The following CCDC91 variants were observed in gnomAD, a reference collection of about 807,000 sequenced individuals.
CCDC91 encodes the protein coiled-coil domain containing 91.
Under a neutral mutation model 63.2 loss-of-function variants are expected in CCDC91, and 48 were observed. That is an observed-to-expected ratio of 0.76 (90% CI 0.60 to 0.97). The LOEUF is 0.97. Among genes scored for constraint, CCDC91 ranks in the 50% least tolerant of loss-of-function variants. The pLI, the probability that CCDC91 is intolerant of heterozygous loss-of-function variation, is 0.00. For synonymous variants in CCDC91, 167 were observed against 165.8 expected, an observed-to-expected ratio of 1.01 and a Z score of -0.06; for missense variants, 500 against 494.6, an observed-to-expected ratio of 1.01 and a Z score of -0.10.
At chr12:28,296,767 T>G (rs76704263) in intron 3 of CCDC91, among the ~76,000 whole-genome samples, 1,896 of 152,088 alleles carry the variant, frequency 0.012, 42 homozygotes, top group African/African-American at 0.044. Context: ...TACACTTAGT[T>G]TCAAATTTTT....
Position 28,441,057 on chromosome 12 carries a change from C to CAAAAA in CCDC91, c.763-9081_763-9077dup, listed in dbSNP as rs60278449. ...TGGGTGACAGAGCAAGACTCCATCT[C>CAAAAA]AAAAAAAAAAAAAAAAAAAAAAAAA... On this transcript the variant is annotated intron_variant, in intron 8 of 12. Coordinates refer to ENST00000536442, the MANE Select transcript of CCDC91 (RefSeq NM_018318.5). 7.0e-4 allele frequency among the ~76,000 whole-genome samples: 37 copies of CAAAAA among 52,696 alleles called. 1 individual carries two copies. Among genetic ancestry groups the CAAAAA allele is most frequent in the African/African-American group, 1.7e-3 (22 of 12,696 alleles). 34.6% of individuals were successfully genotyped at this position (52,696 alleles called of 152,430 possible).
At position 28,328,423 on chromosome 12, in the gene CCDC91, A is replaced by G. The variant is rs1236991459; in HGVS notation, c.576+20674A>G. On this transcript the variant is annotated intron_variant, in intron 6 of 12. Coordinates refer to ENST00000536442, the MANE Select transcript of CCDC91 (RefSeq NM_018318.5). ...ACACATATAATGGAATATTGAGGCC[A>G]AGAAAAAAATAAGTCTGTAGTTATT... Among the ~76,000 whole-genome samples the G allele has an allele frequency of 2.0e-5, 3 of 152,204 alleles. No individual in the cohort carries two copies. In the East Asian group the frequency reaches 5.8e-4, roughly 29 times the overall value.
At chr12:28,360,954 C>T (rs987770647) in intron 6 of CCDC91, among the ~76,000 whole-genome samples, 1 of 151,184 alleles carries the variant, frequency 6.6e-6, no homozygotes, top group South Asian at 2.1e-4. Context: ...ATATATAGGA[C>T]TATTCAAATT....
rs139705316 is a variant in CCDC91 at position 28,541,796 on chromosome 12, AAGTT to A, written c.1216-7264_1216-7261del. The stretch of plus-strand genomic sequence containing the variant: ...TTTATGTGGCCTGTTATATTAAGAT[AAGTT>A]AGCCTGCCTTGCCGGAATCAATTCA... On this transcript the variant is annotated intron_variant, in intron 12 of 12. Transcript: ENST00000536442. Among the ~76,000 whole-genome samples the A allele has an allele frequency of 9.4e-3, 1,423 of 152,184 alleles. 27 individuals are homozygous for A. The highest frequency in any genetic ancestry group is 0.033 in the African/African-American group (1,383 of 41,554).
chr12:28,434,056 C>G (rs1455578645), intron 8 of CCDC91, among the ~76,000 whole-genome samples: 1 of 151,812 alleles, frequency 6.6e-6, no homozygotes, highest in African/African-American at 2.4e-5. Flanking sequence ...GCTGTGCACC[C>G]TTACTATAAT....
chr12:28,539,639 A>T (rs906335401), intron 12 of CCDC91, among the ~76,000 whole-genome samples: 3 of 152,158 alleles, frequency 2.0e-5, no homozygotes, highest in African/African-American at 7.2e-5. Context: ...AGGCAATAAC[A>T]TCCCAGTTTA....
intron 7 of CCDC91, among the ~76,000 whole-genome samples, chr12:28,370,130 C>T (rs768585171): frequency 1.3e-5 from 2 of 152,174 alleles, no homozygotes; most frequent in Non-Finnish European, 2.9e-5. Context: ...TTTTTATTTT[C>T]TATTGCATGT....
chr12:28,381,039 A>C (rs1945268307), intron 7 of CCDC91, among the ~76,000 whole-genome samples: 1 of 152,156 alleles, frequency 6.6e-6, no homozygotes, highest in African/African-American at 2.4e-5. Flanking sequence ...AAGGATATAT[A>C]CACAAAAAAC....
At chr12:28,429,775 G>A (rs1236074969) in intron 8 of CCDC91, among the ~76,000 whole-genome samples, 1 of 152,022 alleles carries the variant, frequency 6.6e-6, no homozygotes, top group African/African-American at 2.4e-5. Flanking sequence ...ACACATTGTA[G>A]ATGTGCCACT....
intron 11 of CCDC91, among the ~76,000 whole-genome samples, chr12:28,481,976 A>T (rs1335098522): frequency 6.6e-6 from 1 of 151,874 alleles, no homozygotes; most frequent in Non-Finnish European, 1.5e-5. Flanking sequence ...CTTTTAGTTA[A>T]TATGTTTCTT....
At chr12:28,350,991 T>G (rs1457718721) in intron 6 of CCDC91, among the ~76,000 whole-genome samples, 2 of 152,146 alleles carry the variant, frequency 1.3e-5, no homozygotes, top group Admixed American at 1.3e-4. Flanking sequence ...TGGACAAAAC[T>G]TTTTAGGGGC....
chr12:28,463,032 A>T (rs1187771763), intron 11 of CCDC91, among the ~76,000 whole-genome samples: 1 of 152,196 alleles, frequency 6.6e-6, no homozygotes, highest in African/African-American at 2.4e-5. Context: ...TATATACATG[A>T]CATGAGTATT....
At chr12:28,452,437 G>GT in intron 10 of CCDC91, 41 bp from the exon 11 acceptor site, 1 of 1,273,556 alleles carries the variant, frequency 7.9e-7, no homozygotes. Context: ...AAATTATTAT[G>GT]CAGTCTTTCA....
At chr12:28,453,657 G>A (rs1257397767) in intron 11 of CCDC91, among the ~76,000 whole-genome samples, 3 of 151,066 alleles carry the variant, frequency 2.0e-5, no homozygotes, top group Non-Finnish European at 4.4e-5. Flanking sequence ...TTTTTCTTGC[G>A]TTTTTTCACT....
Position 28,280,755 on chromosome 12 carries a change from G to A in CCDC91, c.109+21313G>A, listed in dbSNP as rs1948551461. On this transcript the variant is annotated intron_variant, in intron 3 of 12. Coordinates refer to ENST00000536442, the MANE Select transcript of CCDC91 (RefSeq NM_018318.5). ...GCACTTTGGGAGGCTGAGGCAAGAA[G>A]ATCACTTGGGGCCAGGAGCTCAAGA... 2.0e-5 allele frequency among the ~76,000 whole-genome samples: 3 copies of A among 151,066 alleles called. No homozygotes were observed. The East Asian group carries it at 5.9e-4, about 30-fold the overall frequency.
chr12:28,501,412 A>T (rs192325216), intron 12 of CCDC91, among the ~76,000 whole-genome samples: 7 of 152,038 alleles, frequency 4.6e-5, no homozygotes, highest in African/African-American at 2.4e-5. Flanking sequence ...AGTTTTTAGC[A>T]TGAAGGGTTG....
At chr12:28,504,213 C>T (rs1938408263) in intron 12 of CCDC91, among the ~76,000 whole-genome samples, 1 of 151,580 alleles carries the variant, frequency 6.6e-6, no homozygotes, top group East Asian at 1.9e-4. Flanking sequence ...TGTAATCAAT[C>T]TTTGAATATT....
chr12:28,363,891 A>G (rs530341380), intron 7 of CCDC91, among the ~76,000 whole-genome samples: 201 of 150,730 alleles, frequency 1.3e-3, no homozygotes, highest in Non-Finnish European at 1.8e-3. Flanking sequence ...AAAAAAAAAA[A>G]AAAAAAAGAA....
rs114554542 is a variant in CCDC91, at chr12:28,412,701, T to G, written c.762+21290T>G. 9 of 451,528 alleles carry G rather than the reference T, an allele frequency of 2.0e-5. No homozygotes were observed. In the Admixed American group the frequency reaches 2.1e-4, roughly 11 times the overall value. The allele number at this position is 451,528 out of a possible 1,614,324, so 28.0% of individuals were successfully genotyped here. A position where few individuals can be genotyped will look rare whatever the true frequency, so the allele number is the denominator to read the frequency against. ...AGGTTGCTGCTGCTGGCTGGGGTGG[T>G]CAGCTTTTATCCCCTTATTGTCCCC... is the stretch of plus-strand genomic sequence containing the variant. On this transcript the variant is annotated intron_variant, in intron 8 of 12. Transcript: ENST00000536442.
Sources: gnomAD v4.1 joint callset for allele counts (sites outside exome capture counted in the v4.1 genomes callset) on GRCh38, gnomAD v4.1.1 for gene constraint, MANE v1.5 for transcripts, NCBI Gene and HGNC (gene_info 2026-07-23, HGNC 2026-07-21) for gene names.